Variants in ARHGEF17 observed in about 807,000 individuals in gnomAD.
ARHGEF17 encodes Rho guanine nucleotide exchange factor 17.
ARHGEF17 carries 80 observed loss-of-function variants against 174.0 expected under a neutral mutation model. That is an observed-to-expected ratio of 0.46 (90% CI 0.38 to 0.55). ARHGEF17 has a LOEUF of 0.55. Among genes scored for constraint, ARHGEF17 ranks in the 20% least tolerant of loss-of-function variants. The pLI is 0.00. For synonymous variants in ARHGEF17, 1,311 were observed against 1,189.1 expected, an observed-to-expected ratio of 1.10 and a Z score of -2.11; for missense variants, 2,886 against 2,839.7, an observed-to-expected ratio of 1.02 and a Z score of -0.37.
At position 73,309,408 on chromosome 11, in the gene ARHGEF17, G is replaced by A. The variant is rs1164416712; in HGVS notation, c.770G>A (p.Gly257Asp). 2 of 1,551,638 alleles carry A rather than the reference G, an allele frequency of 1.3e-6. No homozygotes were observed. Among genetic ancestry groups the A allele is most frequent in the Non-Finnish European group, 1.7e-6 (2 of 1,146,906 alleles). The change falls in exon 1 of 21, where the codon GGC (glycine) becomes GAC (aspartate). Residue 257 changes from glycine to aspartate, a missense_variant. Physicochemically the swap from Gly to Asp is moderately conservative, Grantham distance 94. Around this residue, in one of 4 missense-constraint regions of ARHGEF17, gnomAD observed 1,728 missense variants for 1,461.2 expected, o/e 1.18. Transcript: ENST00000263674. The part of the protein sequence containing the change: ...AASSSEEEEE[G>D]PPQLPGAQSP... Reference sequence around the variant, plus strand: ...AGCTCCAGCGAGGAGGAAGAGGAGGGCCCGCCGCAGCTGCCTGGAGCCCAG... The same window carrying A: ...AGCTCCAGCGAGGAGGAAGAGGAGGACCCGCCGCAGCTGCCTGGAGCCCAG...
intron 5 of ARHGEF17, 39 bp from the exon 6 acceptor site, chr11:73,356,136 T>A (rs767812269): frequency 1.2e-6 from 2 of 1,608,030 alleles, no homozygotes; most frequent in African/African-American, 2.7e-5. Flanking sequence ...GCCCCAGGGG[T>A]AGCTAAGCAG....
Position 73,310,030 on chromosome 11 carries a change from T to G in ARHGEF17, c.1392T>G (p.Asn464Lys), listed in dbSNP as rs140950485. The G allele has an allele frequency of 1.1e-4, 172 of 1,613,986 alleles. No individual in the cohort carries two copies. Among genetic ancestry groups the G allele is most frequent in the Non-Finnish European group, 1.4e-4 (162 of 1,180,004 alleles). ...EKSRQRKSLSNPDIASETLTL... is the reference protein window; with the variant it reads ...EKSRQRKSLSKPDIASETLTL... ...GTCGACAGCGGAAGTCCCTGTCAAA[T>G]CCAGATATCGCCTCAGAGACCCTGA... The change falls in exon 1 of 21, where the codon AAT (asparagine) becomes AAG (lysine). Residue 464 changes from asparagine to lysine, a missense_variant. Asn to Lys is a moderately conservative substitution (Grantham distance 94, BLOSUM62 0). Around this residue, in one of 4 missense-constraint regions of ARHGEF17, gnomAD observed 1,728 missense variants for 1,461.2 expected, o/e 1.18. Coordinates refer to ENST00000263674, the MANE Select transcript of ARHGEF17 (RefSeq NM_014786.4).
intron 1 of ARHGEF17, among the ~76,000 whole-genome samples, chr11:73,335,909 A>G (rs1033725814): frequency 1.3e-5 from 2 of 152,278 alleles, no homozygotes; most frequent in African/African-American, 4.8e-5. Context: ...AAAGCAAGAC[A>G]GTCAATAGAT....
intron 1 of ARHGEF17, among the ~76,000 whole-genome samples, chr11:73,319,204 C>A (rs953882783): frequency 6.6e-6 from 1 of 152,142 alleles, no homozygotes; most frequent in Non-Finnish European, 1.5e-5. Flanking sequence ...GCTGGGACTA[C>A]AGGCATGCGC....
At position 73,346,971 on chromosome 11, in the gene ARHGEF17, G is replaced by T; in HGVS notation, c.3270+11G>T. On this transcript the variant is annotated intron_variant, in intron 2 of 20. Coordinates refer to ENST00000263674, the MANE Select transcript of ARHGEF17 (RefSeq NM_014786.4). ...CGCACCCTGATGCAGGTGGGGCTCG[G>T]GGCCCACTCCCCTGAGAATGGCCTT... 6.3e-7 allele frequency: 1 copy of T among 1,588,924 alleles called. No homozygotes were observed. Among genetic ancestry groups the T allele is most frequent in the Non-Finnish European group, 8.6e-7 (1 of 1,164,262 alleles).
rs1315104728 is a variant in ARHGEF17 at position 73,310,281 on chromosome 11, C to T, written c.1643C>T (p.Thr548Ile). Residue 548 changes from threonine (T) to isoleucine (I), a missense_variant, in exon 1 of 21, where the codon ACC becomes ATC. Physicochemically the swap from Thr to Ile is moderately conservative, Grantham distance 89. Around this residue, in one of 4 missense-constraint regions of ARHGEF17, gnomAD observed 1,728 missense variants for 1,461.2 expected, o/e 1.18. Transcript: ENST00000263674. ...TATLRRAKSF[T>I]CSEKPMARRL... ...ACTCTGCGGAGAGCAAAGTCATTCA[C>T]CTGCTCTGAGAAGCCCATGGCCCGC... 6.2e-7 allele frequency: 1 copy of T among 1,613,902 alleles called. No individual in the cohort carries two copies. The highest frequency in any genetic ancestry group is 8.5e-7 in the Non-Finnish European group (1 of 1,180,052).
chr11:73,315,410 A>C (rs1004683858), intron 1 of ARHGEF17, among the ~76,000 whole-genome samples: 1 of 152,048 alleles, frequency 6.6e-6, no homozygotes, highest in African/African-American at 2.4e-5. Context: ...CCCCCTCCCT[A>C]CCCAGCCAGC....
intron 2 of ARHGEF17, chr11:73,347,205 T>G: frequency 1.7e-6 from 1 of 583,660 alleles, no homozygotes; most frequent in Non-Finnish European, 3.1e-6. Context: ...TACCCTGCTG[T>G]TCTTCCACGT....
chr11:73,340,894 G>A (rs1051809476), intron 1 of ARHGEF17, among the ~76,000 whole-genome samples: 3 of 152,198 alleles, frequency 2.0e-5, no homozygotes, highest in African/African-American at 7.2e-5. Context: ...AGGAAGAGGA[G>A]GAGCAGGCTC....
chr11:73,346,471 G>C (rs1306578411), intron 1 of ARHGEF17, among the ~76,000 whole-genome samples: 1 of 152,248 alleles, frequency 6.6e-6, no homozygotes, highest in Non-Finnish European at 1.5e-5. Flanking sequence ...ATAGCACTGA[G>C]CCTGAAGTTG....
chr11:73,366,057 C>A, intron 20 of ARHGEF17, 110 bp downstream of exon 20: 1 of 1,384,782 alleles, frequency 7.2e-7, no homozygotes, highest in Non-Finnish European at 9.7e-7. Context: ...TCACATAGAG[C>A]TGGAGGTGGC....
chr11:73,309,759 A>T lies in ARHGEF17; in HGVS notation c.1121A>T (p.Lys374Met). 1.2e-6 allele frequency: 2 copies of T among 1,612,888 alleles called. No homozygotes were observed. Among genetic ancestry groups the T allele is most frequent in the Non-Finnish European group, 1.7e-6 (2 of 1,179,882 alleles). Residue 374 changes from lysine (K) to methionine (M), a missense_variant, in exon 1 of 21, where the codon AAG (lysine) becomes ATG (methionine). Physicochemically the swap from Lys to Met is moderately conservative, Grantham distance 95. Around this residue, in one of 4 missense-constraint regions of ARHGEF17, gnomAD observed 1,728 missense variants for 1,461.2 expected, o/e 1.18. Transcript: ENST00000263674. ...DSVGGAFRVA[K>M]VSFPSYLASP... ...GTGGGAGGAGCTTTCCGTGTGGCCA[A>T]GGTGAGCTTTCCCTCGTACCTGGCC...
intron 2 of ARHGEF17, among the ~76,000 whole-genome samples, chr11:73,351,880 G>T (rs868249098): frequency 7.9e-5 from 12 of 152,212 alleles, no homozygotes; most frequent in Admixed American, 3.3e-4. Flanking sequence ...ACCGCGCCCT[G>T]CCGCATTATC....
Position 73,311,429 on chromosome 11 carries a change from C to A in ARHGEF17, c.2791C>A (p.His931Asn). ...CAAGAAGCGCCCAGCTCGGAGTAGT[C>A]ACCAGGAGCTTCGGAGAGACGAGGG... is the stretch of plus-strand genomic sequence containing the variant. ...GSKKRPARSS[H>N]QELRRDEGSQ... Residue 931 changes from histidine (H) to asparagine (N), a missense_variant, in exon 1 of 21, where the codon CAC becomes AAC. By Grantham distance (68) the His-to-Asn change is moderately conservative. Transcript: ENST00000263674. 1 of 1,613,360 alleles carries A rather than the reference C, an allele frequency of 6.2e-7. No individual in the cohort carries two copies. The highest frequency in any genetic ancestry group is 8.5e-7 in the Non-Finnish European group (1 of 1,180,046).
At chr11:73,336,148 A>G (rs1865283216) in intron 1 of ARHGEF17, among the ~76,000 whole-genome samples, 1 of 152,140 alleles carries the variant, frequency 6.6e-6, no homozygotes, top group South Asian at 2.1e-4. Flanking sequence ...AGCTTCTCTG[A>G]TATGCCAGTT....
chr11:73,367,736 G>A lies in ARHGEF17; in HGVS notation c.6148G>A (p.Gly2050Ser). 1 of 1,614,018 alleles carries A rather than the reference G, an allele frequency of 6.2e-7. No individual in the cohort carries two copies. Among genetic ancestry groups the A allele is most frequent in the Non-Finnish European group, 8.5e-7 (1 of 1,179,978 alleles). ...SGGGSSSETVGRDDSTNHLLL... is the reference protein window; with the variant it reads ...SGGGSSSETVSRDDSTNHLLL... ...GGGCGGCAGCAGCAGTGAGACTGTG[G>A]GTCGAGACGACAGCACAAACCACCT... The change falls in exon 21 of 21, where the codon GGT (glycine) becomes AGT (serine). Residue 2050 changes from glycine (G) to serine (S), a missense_variant. Transcript: ENST00000263674.
rs760284970 is a variant in ARHGEF17, at chr11:73,310,751, G to A, written c.2113G>A (p.Ala705Thr). Reference sequence around the variant, plus strand: ...GCCTGAGACCCCTCCCACACCAGGTGCCCTCCGCCGACGACGCAAAGTCCC... The same window carrying A: ...GCCTGAGACCCCTCCCACACCAGGTACCCTCCGCCGACGACGCAAAGTCCC... ...VSPETPPTPGALRRRRKVPPS... is the reference protein window; with the variant it reads ...VSPETPPTPGTLRRRRKVPPS... Residue 705 changes from alanine to threonine, a missense_variant, in exon 1 of 21, where the codon GCC (alanine) becomes ACC (threonine). Ala to Thr is a moderately conservative substitution (Grantham distance 58, BLOSUM62 0). This residue lies in a region of ARHGEF17 where 1,728 missense variants were observed against 1,461.2 expected (regional missense o/e 1.18). Transcript: ENST00000263674. 5 of 1,611,312 alleles carry A rather than the reference G, an allele frequency of 3.1e-6. No individual in the cohort carries two copies. The highest frequency in any genetic ancestry group is 1.3e-5 in the African/African-American group (1 of 74,880).
At chr11:73,312,118 G>A (rs1214723452) in intron 1 of ARHGEF17, among the ~76,000 whole-genome samples, 1 of 152,204 alleles carries the variant, frequency 6.6e-6, no homozygotes, top group Non-Finnish European at 1.5e-5. Context: ...CTTGTCCTTT[G>A]GATGTTTCTC....
rs961913639 is a variant in ARHGEF17, at chr11:73,365,321, G to A, written c.5551-69G>A. On this transcript the variant is annotated intron_variant, in intron 18 of 20. Transcript: ENST00000263674. The surrounding 1 kb of genome is among the most constrained non-coding windows in gnomAD (Gnocchi z 4.9). Reference sequence around the variant, plus strand: ...GTTGTGAGGGATGGACACTGGTGAAGCTCCAGGCTAGGGTGGGCCAAGGGA... The same window carrying A: ...GTTGTGAGGGATGGACACTGGTGAAACTCCAGGCTAGGGTGGGCCAAGGGA... 4 of 1,566,810 alleles carry A rather than the reference G, an allele frequency of 2.6e-6. No homozygotes were observed. In the Admixed American group the frequency reaches 6.8e-5, roughly 27 times the overall value.
Sources: gnomAD v4.1 joint callset for allele counts (sites outside exome capture counted in the v4.1 genomes callset) on GRCh38, gnomAD v4.1.1 for gene constraint, gnomAD v4.1.1 regional missense constraint, Gnocchi (gnomAD v3.1) non-coding constraint, MANE v1.5 for transcripts, NCBI Gene and HGNC (gene_info 2026-07-23, HGNC 2026-07-21) for gene names.